Variants in AQR observed in about 807,000 individuals in gnomAD.
AQR encodes the protein RNA helicase aquarius.
In AQR, 61 loss-of-function variants were observed where a neutral mutation model predicts 180.5. The observed-to-expected ratio is 0.34, with a 90% CI of 0.28 to 0.42. The LOEUF is 0.42. Ranked by LOEUF, AQR falls within the 10% of genes least tolerant of loss-of-function variation. The pLI is 1.00. For synonymous variants in AQR, 551 were observed against 588.8 expected (o/e 0.94, Z 0.93); for missense variants, 1,281 against 1,798.3 (o/e 0.71, Z 5.20).
At chr15:34,926,508 G>A (rs188166228) in intron 13 of AQR, among the ~76,000 whole-genome samples, 177 of 152,230 alleles carry the variant, frequency 1.2e-3, no homozygotes, top group Admixed American at 1.8e-3. Context: ...TACCTTATAC[G>A]TAAAATGGTA....
rs541172738 is a variant in AQR, at chr15:34,945,513, A to G, written c.331-1085T>C. On this transcript the variant is annotated intron_variant, in intron 5 of 34. Transcript: ENST00000156471. ...ATTTCAAGGCCTAATCACCAAAGTG[A>G]TCTTTATAACAGGTAAACTGACCAG... is the stretch of plus-strand genomic sequence containing the variant. 1.1e-4 allele frequency among the ~76,000 whole-genome samples: 17 copies of G among 152,304 alleles called. No homozygotes were observed. In the South Asian group the frequency reaches 3.5e-3, roughly 32 times the overall value.
intron 3 of AQR, among the ~76,000 whole-genome samples, chr15:34,959,607 G>A (rs918960474): frequency 3.3e-5 from 5 of 152,134 alleles, no homozygotes; most frequent in Admixed American, 1.3e-4. Flanking sequence ...CCCCAACAAC[G>A]TGGCAAAAGT....
Position 34,915,177 on chromosome 15 carries a change from A to T in AQR, c.1345T>A (p.Cys449Ser). ...AAATTCAATTTGGGAAGAGCAAGAC[A>T]ACCTGAAAAGGAAAAAAACATCCAT... The part of the protein sequence containing the change: ...VPTEYYSGEG[C>S]LALPKLNLQF... The change falls in exon 16 of 35, where the codon TGT becomes AGT. Residue 449 changes from cysteine (C) to serine (S), a missense_variant and splice_region_variant. Transcript: ENST00000156471. 6.3e-7 allele frequency: 1 copy of T among 1,579,280 alleles called. No individual in the cohort carries two copies. Among genetic ancestry groups the T allele is most frequent in the Non-Finnish European group, 8.5e-7 (1 of 1,170,256 alleles).
At chr15:34,963,085 T>C (rs1282294588) in intron 2 of AQR, among the ~76,000 whole-genome samples, 3 of 152,092 alleles carry the variant, frequency 2.0e-5, no homozygotes, top group South Asian at 2.1e-4. Flanking sequence ...CAGTCAGTCA[T>C]CCTCCCGCTT....
At chr15:34,857,138 C>A in intron 34 of AQR, 32 bp from the exon 35 acceptor site, 1 of 1,505,936 alleles carries the variant, frequency 6.6e-7, no homozygotes, top group South Asian at 1.3e-5. Flanking sequence ...AAGACAATAC[C>A]AATATGAAAA....
intron 22 of AQR, among the ~76,000 whole-genome samples, chr15:34,895,187 AATATATAT>A (rs1180797707): frequency 1.6e-3 from 21 of 12,952 alleles, no homozygotes; most frequent in South Asian, 0.016. Flanking sequence ...AAAAAAAAAA[AATATATAT>A]ATATATATAT....
chr15:34,924,307 T>C (rs1893724295), intron 13 of AQR, among the ~76,000 whole-genome samples: 1 of 152,216 alleles, frequency 6.6e-6, no homozygotes, highest in Non-Finnish European at 1.5e-5. Context: ...AAATCTGTCT[T>C]CAATTAAATC....
At chr15:34,946,380 TC>T (rs1894113082) in intron 5 of AQR, among the ~76,000 whole-genome samples, 3 of 150,770 alleles carry the variant, frequency 2.0e-5, no homozygotes, top group Non-Finnish European at 1.5e-5. Flanking sequence ...CCTCTTGAGG[TC>T]GGGGGGGTCA....
chr15:34,887,865 T>A (rs1337592533), intron 24 of AQR, among the ~76,000 whole-genome samples: 6 of 152,214 alleles, frequency 3.9e-5, no homozygotes, highest in Non-Finnish European at 7.3e-5. Flanking sequence ...GATATAAACA[T>A]ATGGCAGATA....
intron 5 of AQR, 136 bp downstream of exon 5, chr15:34,948,128 A>T (rs1046936324): frequency 1.0e-6 from 1 of 971,574 alleles, no homozygotes; most frequent in African/African-American, 1.7e-5. Context: ...TCACATACCC[A>T]TTCTTTTTCT....
In AQR at chr15:34,926,321, A is replaced by G. The variant is rs1234868917; in HGVS notation, c.1118+714T>C. On this transcript the variant is annotated intron_variant, in intron 13 of 34. Transcript: ENST00000156471. ...TGAACAACCAAACCAACCTCAGTTT[A>G]TTACATTTTAAATAGTCAAGGAACT... Among the ~76,000 whole-genome samples the G allele has an allele frequency of 2.6e-5, 4 of 152,320 alleles. No homozygotes were observed. In the East Asian group the frequency reaches 5.8e-4, roughly 22 times the overall value.
intron 32 of AQR, among the ~76,000 whole-genome samples, chr15:34,863,959 T>G (rs2140458494): frequency 6.6e-6 from 1 of 152,284 alleles, no homozygotes; most frequent in African/African-American, 2.4e-5. Flanking sequence ...AAGAGAAGAC[T>G]TTCATGAAGA....
chr15:34,965,776 C>T (rs1156933111), intron 1 of AQR, among the ~76,000 whole-genome samples: 1 of 152,204 alleles, frequency 6.6e-6, no homozygotes, highest in African/African-American at 2.4e-5. Flanking sequence ...CTCATTTCCT[C>T]ATTCTGCTCC....
At chr15:34,889,196 A>G (rs1270451035) in intron 24 of AQR, among the ~76,000 whole-genome samples, 2 of 152,248 alleles carry the variant, frequency 1.3e-5, no homozygotes, top group Non-Finnish European at 2.9e-5. Flanking sequence ...GATGAATTCA[A>G]AAGTATTACT....
Position 34,910,153 on chromosome 15 carries a change from T to C in AQR, c.1645A>G (p.Ile549Val). The C allele has an allele frequency of 6.2e-7, 1 of 1,614,232 alleles. No homozygotes were observed. Among genetic ancestry groups the C allele is most frequent in the South Asian group, 1.1e-5 (1 of 91,092 alleles). The change falls in exon 17 of 35, where the codon ATC (isoleucine) becomes GTC (valine). Residue 549 changes from isoleucine (I) to valine (V), a missense_variant. By Grantham distance (29) the Ile-to-Val change is conservative. This residue lies in a region of AQR where 200 missense variants were observed against 293.4 expected (regional missense o/e 0.68). Transcript: ENST00000156471. ...VTINLNVRDHIKDEWEGLRKH... is the reference protein window; with the variant it reads ...VTINLNVRDHVKDEWEGLRKH... Reference sequence around the variant, plus strand: ...AACTTACCTTCCCATTCATCTTTGATGTGATCTCTGACATTGAGATTTATG... The same window carrying C: ...AACTTACCTTCCCATTCATCTTTGACGTGATCTCTGACATTGAGATTTATG...
chr15:34,969,701 G>T lies in AQR; in HGVS notation c.-88C>A. 7.3e-7 allele frequency: 1 copy of T among 1,378,976 alleles called. No individual in the cohort carries two copies. Among genetic ancestry groups the T allele is most frequent in the African/African-American group, 1.4e-5 (1 of 69,088 alleles). 85.4% of individuals were successfully genotyped at this position (1,378,976 alleles called of 1,614,324 possible). A position where few individuals can be genotyped will look rare whatever the true frequency, so the allele number is the denominator to read the frequency against. On this transcript the variant is annotated 5_prime_UTR_variant, in exon 1 of 35. Coordinates refer to ENST00000156471, the MANE Select transcript of AQR (RefSeq NM_014691.3). ...GGTCCACTTCCCTTAAGTTACTGCCGGGGCGCTTAACTCCGCGCCGCACAA... is the reference window on the plus strand; with the variant it reads ...GGTCCACTTCCCTTAAGTTACTGCCTGGGCGCTTAACTCCGCGCCGCACAA...
At position 34,885,563 on chromosome 15, in the gene AQR, A is replaced by G. The variant is rs964718837; in HGVS notation, c.2818-829T>C. On this transcript the variant is annotated intron_variant, in intron 25 of 34. Coordinates refer to ENST00000156471, the MANE Select transcript of AQR (RefSeq NM_014691.3). ...TGCCAATTTACACTGTGAAGCCTCA[A>G]GTTCATTCTTCCCAAATTTATTACA... Among the ~76,000 whole-genome samples the G allele has an allele frequency of 1.9e-4, 29 of 152,200 alleles. 1 individual carries two copies. The highest frequency in any genetic ancestry group is 5.8e-4 in the African/African-American group (24 of 41,458).
At chr15:34,867,852 T>C in intron 31 of AQR, 1 of 334,978 alleles carries the variant, frequency 3.0e-6, no homozygotes, top group Admixed American at 4.8e-5. Flanking sequence ...TGCTGATAAC[T>C]AAATAACTAT....
chr15:34,893,562 C>T (rs1015509087), intron 23 of AQR, 101 bp downstream of exon 23: 4 of 946,006 alleles, frequency 4.2e-6, no homozygotes, highest in Non-Finnish European at 6.5e-6. Context: ...ACACTTACCT[C>T]CCCCTCAACC....
Sources: gnomAD v4.1 joint callset for allele counts (sites outside exome capture counted in the v4.1 genomes callset) on GRCh38, gnomAD v4.1.1 for gene constraint, gnomAD v4.1.1 regional missense constraint, MANE v1.5 for transcripts, NCBI Gene and HGNC (gene_info 2026-07-23, HGNC 2026-07-21) for gene names.